NAV1: variants seen among roughly 807,000 people sequenced by gnomAD.
NAV1 encodes the protein neuron navigator 1, also known as pore membrane and/or filament interacting like protein 3.
In NAV1, 18 loss-of-function variants were observed where a neutral mutation model predicts 175.2. That is an observed-to-expected ratio of 0.10 (90% CI 0.07 to 0.15). The LOEUF (loss-of-function observed/expected upper bound fraction) is 0.15. Among genes scored for constraint, NAV1 ranks in the 10% least tolerant of loss-of-function variants. NAV1 has a pLI of 1.00. For synonymous variants in NAV1, 897 were observed against 978.7 expected, an observed-to-expected ratio of 0.92 and a Z score of 1.56; for missense variants, 1,731 against 2,436.6, an observed-to-expected ratio of 0.71 and a Z score of 6.10.
intron 1 of NAV1, among the ~76,000 whole-genome samples, chr1:201,541,821 C>T (rs1665524130): frequency 1.3e-5 from 2 of 152,174 alleles, no homozygotes; most frequent in Non-Finnish European, 2.9e-5. Context: ...ATCTAGCCCC[C>T]TCCTGAGTCC....
At position 201,810,860 on chromosome 1, in the gene NAV1, C is replaced by T. The variant is rs1678651053; in HGVS notation, c.4797+102C>T. On this transcript the variant is annotated intron_variant, in intron 24 of 29. Coordinates refer to ENST00000367296, the Ensembl canonical transcript of NAV1. The surrounding 1 kb of genome is among the most constrained non-coding windows in gnomAD (Gnocchi z 6.0). Reference sequence around the variant, plus strand: ...TGCCTCATTGTTCCCTTTTCCTCACCTCTGCCTTCATCTTTCTTCTCTTCT... The same window carrying T: ...TGCCTCATTGTTCCCTTTTCCTCACTTCTGCCTTCATCTTTCTTCTCTTCT... The T allele has an allele frequency of 1.2e-6, 1 of 803,998 alleles. No individual in the cohort carries two copies. Among genetic ancestry groups the T allele is most frequent in the East Asian group, 2.7e-5 (1 of 37,438 alleles). The allele number at this position is 803,998 out of a possible 1,614,324, so 49.8% of individuals were successfully genotyped here.
exon 25 of NAV1, chr1:201,811,645 C>G: frequency 6.2e-7 from 1 of 1,613,988 alleles, no homozygotes; most frequent in East Asian, 2.2e-5. Context: ...CCAGATAGAC[C>G]GGGAAACAGG....
chr1:201,818,528 CAA>C (rs373302622), intron 29 of NAV1, among the ~76,000 whole-genome samples: 17 of 93,710 alleles, frequency 1.8e-4, no homozygotes, highest in Non-Finnish European at 1.4e-4. Flanking sequence ...GACTCCCTCT[CAA>C]AAAAAAAAAA....
At chr1:201,783,132 A>T (rs1327676263) in intron 6 of NAV1, among the ~76,000 whole-genome samples, 1 of 152,144 alleles carries the variant, frequency 6.6e-6, no homozygotes, top group Non-Finnish European at 1.5e-5. Flanking sequence ...CAGCACTTGT[A>T]TGGGTGTTTT....
At chr1:201,725,363 A>G (rs1672559901) in intron 3 of NAV1, among the ~76,000 whole-genome samples, 1 of 152,210 alleles carries the variant, frequency 6.6e-6, no homozygotes, top group Admixed American at 6.5e-5. Flanking sequence ...CAAGGATAGA[A>G]GCAGAGAGCA....
intron 2 of NAV1, among the ~76,000 whole-genome samples, chr1:201,615,890 T>A (rs533225675): frequency 6.6e-6 from 1 of 152,350 alleles, no homozygotes; most frequent in Admixed American, 6.5e-5. Flanking sequence ...TTCAGGTTTC[T>A]GATCCAGACC....
At position 201,812,264 on chromosome 1, in the gene NAV1, G is replaced by T. The variant is rs1024931411; in HGVS notation, c.5025-201G>T. On this transcript the variant is annotated intron_variant, in intron 26 of 29. Transcript: ENST00000367296. The surrounding 1 kb of genome is among the most constrained non-coding windows in gnomAD (Gnocchi z 4.6). ...GGTCAGTGATGTCAGAAGGTTATCC[G>T]AAGAGGGCTACCAATTTGAGAATCA... Among the ~76,000 whole-genome samples the T allele has an allele frequency of 1.3e-5, 2 of 152,208 alleles. No individual in the cohort carries two copies. The highest frequency in any genetic ancestry group is 4.8e-5 in the African/African-American group (2 of 41,456).
chr1:201,600,431 T>G (rs1443305045), intron 2 of NAV1, among the ~76,000 whole-genome samples: 1 of 152,210 alleles, frequency 6.6e-6, no homozygotes, highest in African/African-American at 2.4e-5. Flanking sequence ...ACATGGATCC[T>G]GGAACAGAAA....
intron 15 of NAV1, among the ~76,000 whole-genome samples, chr1:201,801,725 T>C (rs1228269824): frequency 6.6e-6 from 1 of 152,232 alleles, no homozygotes; most frequent in East Asian, 1.9e-4. Flanking sequence ...TGCAACTTCC[T>C]ATGAATCTAT....
At chr1:201,731,873 C>T (rs1672872551) in intron 3 of NAV1, among the ~76,000 whole-genome samples, 1 of 152,188 alleles carries the variant, frequency 6.6e-6, no homozygotes, top group African/African-American at 2.4e-5. Flanking sequence ...GTCACTGCCC[C>T]TTTCCAAGCC....
At chr1:201,763,757 G>A (rs886654836) in intron 3 of NAV1, among the ~76,000 whole-genome samples, 2 of 152,098 alleles carry the variant, frequency 1.3e-5, no homozygotes, top group Non-Finnish European at 2.9e-5. Context: ...TCACTTCTCT[G>A]TCTCTCCTCT....
At chr1:201,794,073 G>A (rs2102754516) in intron 14 of NAV1, 198 bp downstream of exon 18, 1 of 701,968 alleles carries the variant, frequency 1.4e-6, no homozygotes, top group South Asian at 1.5e-5. Context: ...TCTCTATCAA[G>A]TTTTGCAGAA....
At chr1:201,618,555 G>T (rs1668068578), upstream of NAV1, among the ~76,000 whole-genome samples, 1 of 152,064 alleles carries the variant, frequency 6.6e-6, no homozygotes, top group Non-Finnish European at 1.5e-5. Flanking sequence ...AGCAAGGTCA[G>T]AGTTGATCAT....
intron 1 of NAV1, among the ~76,000 whole-genome samples, chr1:201,656,418 G>T (rs1330531141): frequency 6.6e-6 from 1 of 152,238 alleles, no homozygotes; most frequent in Non-Finnish European, 1.5e-5. Flanking sequence ...TTATCCAGTT[G>T]AGGTGTTGCT....
intron 1 of NAV1, among the ~76,000 whole-genome samples, chr1:201,681,832 G>T (rs1670477167): frequency 6.6e-6 from 1 of 151,984 alleles, no homozygotes; most frequent in South Asian, 2.1e-4. Context: ...AATTAGCCAA[G>T]GGCCGAGTGC....
Position 201,723,780 on chromosome 1 carries a change from A to G in NAV1, c.1226+5025A>G, listed in dbSNP as rs1039667736. ...TGATGGGAAGCTTATTCCATATCAT[A>G]CAGAATTAAGTTATAAGAAAGTTTC... On this transcript the variant is annotated intron_variant, in intron 3 of 29. Coordinates refer to ENST00000367296, the Ensembl canonical transcript of NAV1. The G allele has an allele frequency of 3.9e-5, 6 of 152,244 alleles. No individual in the cohort carries two copies. The South Asian group carries it at 8.3e-4, about 21-fold the overall frequency. 9.4% of individuals were successfully genotyped at this position (152,244 alleles called of 1,614,324 possible).
chr1:201,813,272 C>T lies in NAV1; in HGVS notation c.5340+14C>T. 3.9e-6 allele frequency: 6 copies of T among 1,535,378 alleles called. No homozygotes were observed. Among genetic ancestry groups the T allele is most frequent in the South Asian group, 1.1e-5 (1 of 88,862 alleles). On this transcript the variant is annotated intron_variant, in intron 28 of 29. Transcript: ENST00000367296. The surrounding 1 kb of genome is among the most constrained non-coding windows in gnomAD (Gnocchi z 4.2). ...GATGGGATAAAGGTGAGCCCTACCC[C>T]CTTCACTCAAACCCTAAGATCAGGC...
At chr1:201,700,738 G>A (rs944046472) in intron 1 of NAV1, among the ~76,000 whole-genome samples, 23 of 152,212 alleles carry the variant, frequency 1.5e-4, no homozygotes, top group Non-Finnish European at 3.1e-4. Context: ...ATTGCCGGGC[G>A]CAATGGCTCA....
At chr1:201,554,402 C>G (rs1303145763) in intron 1 of NAV1, among the ~76,000 whole-genome samples, 8 of 152,190 alleles carry the variant, frequency 5.3e-5, no homozygotes, top group African/African-American at 1.9e-4. Flanking sequence ...AGCACAGAAC[C>G]TAGCAAGCAG....
Sources: allele counts gnomAD v4.1 joint callset (sites outside exome capture counted in the v4.1 genomes callset), GRCh38; gene constraint gnomAD v4.1.1; non-coding constraint Gnocchi (gnomAD v3.1); transcripts MANE v1.5; gene names NCBI Gene and HGNC (gene_info 2026-07-23, HGNC 2026-07-21).